Variants in PLCB1 observed in about 807,000 individuals in gnomAD.
PLCB1 encodes 1-phosphatidylinositol 4,5-bisphosphate phosphodiesterase beta-1.
A neutral mutation model predicts 161.8 loss-of-function variants in PLCB1; 46 were observed. The ratio of observed to expected loss-of-function variants is 0.28; its 90% CI spans 0.22 to 0.36. The LOEUF (loss-of-function observed/expected upper bound fraction) is 0.36. PLCB1 is among the 10% of genes least tolerant of loss of function. The probability of loss-of-function intolerance (pLI) is 1.00; values close to 1 mark genes in which losing one functional copy is unlikely to be tolerated. For missense variants in PLCB1, 1,016 were observed against 1,472.5 expected (o/e 0.69, Z 5.07); for synonymous variants, 517 against 503.7 (o/e 1.03, Z -0.35).
chr20:8,436,843 G>A (rs1316439336), intron 3 of PLCB1, among the ~76,000 whole-genome samples: 2 of 152,002 alleles, frequency 1.3e-5, no homozygotes, highest in East Asian at 1.9e-4. Flanking sequence ...AGGCTGGAGT[G>A]CAGGGGTACG....
intron 23 of PLCB1, among the ~76,000 whole-genome samples, chr20:8,745,383 TATC>T (rs1230696816): frequency 1.3e-5 from 2 of 152,208 alleles, no homozygotes; most frequent in African/African-American, 4.8e-5. Context: ...ACTTTTTTAG[TATC>T]ATCATTTTAA....
At chr20:8,394,545 C>T (rs1568659901) in intron 3 of PLCB1, among the ~76,000 whole-genome samples, 1 of 152,104 alleles carries the variant, frequency 6.6e-6, no homozygotes. Flanking sequence ...TGGTCACAAT[C>T]AAGTTGCTTA....
chr20:8,409,107 T>G (rs1978920104), intron 3 of PLCB1, among the ~76,000 whole-genome samples: 1 of 152,160 alleles, frequency 6.6e-6, no homozygotes, highest in South Asian at 2.1e-4. Context: ...TACCATGTGT[T>G]CCCAACTAAA....
intron 26 of PLCB1, among the ~76,000 whole-genome samples, chr20:8,766,830 G>C (rs1225167536): frequency 6.6e-6 from 1 of 152,122 alleles, no homozygotes; most frequent in African/African-American, 2.4e-5. Context: ...TGATTCTGCA[G>C]TTCCATGGAC....
chr20:8,133,735 C>G (rs187435017), intron 1 of PLCB1, among the ~76,000 whole-genome samples: 1 of 152,204 alleles, frequency 6.6e-6, no homozygotes, highest in South Asian at 2.1e-4. Flanking sequence ...GAAAAACCTA[C>G]TGAAATAAAC....
At chr20:8,735,895 G>C (rs997216021) in intron 19 of PLCB1, among the ~76,000 whole-genome samples, 11 of 152,126 alleles carry the variant, frequency 7.2e-5, no homozygotes, top group Non-Finnish European at 1.3e-4. Context: ...CTTTCTCTCT[G>C]AATTACTCAG....
intron 2 of PLCB1, among the ~76,000 whole-genome samples, chr20:8,370,512 T>A (rs1387301925): frequency 6.6e-6 from 1 of 152,140 alleles, no homozygotes; most frequent in Non-Finnish European, 1.5e-5. Flanking sequence ...TGTCTCTAAG[T>A]GTCTAAAGGC....
Position 8,724,724 on chromosome 20 carries a change from C to A in PLCB1, c.1650C>A (p.Val550=). 1 of 1,609,802 alleles carries A rather than the reference C, an allele frequency of 6.2e-7. No individual in the cohort carries two copies. Among genetic ancestry groups the A allele is most frequent in the Non-Finnish European group, 8.5e-7 (1 of 1,176,560 alleles). ...ATCTGGTGAACTATATTCAGCCAGT[C>A]AAGTTTGAGTCATTTGAAATTTCAA... ...MSNLVNYIQP[V]KFESFEISKK... The change falls in exon 16 of 32, where the codon GTC becomes GTA. Residue 550 remains valine (V), a synonymous_variant. Coordinates refer to ENST00000338037, the MANE Select transcript of PLCB1 (RefSeq NM_015192.4).
chr20:8,811,046 T>C (rs929087046), intron 31 of PLCB1, among the ~76,000 whole-genome samples: 15 of 151,960 alleles, frequency 9.9e-5, no homozygotes, highest in Non-Finnish European at 2.1e-4. Flanking sequence ...ACCTATGAGG[T>C]AGGAGGAAAA....
chr20:8,760,375 A>T (rs377631736), intron 24 of PLCB1, 32 bp from the exon 25 acceptor site: 3 of 1,394,262 alleles, frequency 2.2e-6, no homozygotes, highest in Non-Finnish European at 2.0e-6. Context: ...AAAAAGTTGA[A>T]GAGGCTATTT....
chr20:8,240,394 G>A (rs916563724), intron 2 of PLCB1, among the ~76,000 whole-genome samples: 6 of 151,800 alleles, frequency 4.0e-5, no homozygotes, highest in African/African-American at 1.5e-4. Flanking sequence ...TATACTTAGT[G>A]ATGTATCTTA....
intron 16 of PLCB1, among the ~76,000 whole-genome samples, chr20:8,725,337 G>C (rs961323544): frequency 1.3e-5 from 2 of 151,976 alleles, no homozygotes; most frequent in African/African-American, 4.8e-5. Flanking sequence ...CAGACAAAAG[G>C]GTTCTTTTAT....
rs58160557 is a variant in PLCB1, at chr20:8,556,656, G to GGTGTGTGT, written c.247-71599_247-71592dup. 2.4e-3 allele frequency among the ~76,000 whole-genome samples: 336 copies of GGTGTGTGT among 141,848 alleles called. 1 individual carries two copies. The highest frequency in any genetic ancestry group is 8.2e-3 in the African/African-American group (317 of 38,588). 93.1% of individuals were successfully genotyped at this position (141,848 alleles called of 152,430 possible). A position where few individuals can be genotyped will look rare whatever the true frequency, so the allele number is the denominator to read the frequency against. ...AAACAGCCAGGCTAGGAGAGGGTTGGGTGTGTGTGTGTGTGTGTGTGTGTG... is the reference window on the plus strand; with the variant it reads ...AAACAGCCAGGCTAGGAGAGGGTTGGGTGTGTGTGTGTGTGTGTGTGTGTGTGTGTGTG... On this transcript the variant is annotated intron_variant, in intron 3 of 31. Coordinates refer to ENST00000338037, the MANE Select transcript of PLCB1 (RefSeq NM_015192.4).
intron 3 of PLCB1, among the ~76,000 whole-genome samples, chr20:8,412,160 A>G (rs1030813661): frequency 6.6e-6 from 1 of 152,270 alleles, no homozygotes; most frequent in Non-Finnish European, 1.5e-5. Flanking sequence ...TTATTGCTAC[A>G]GTAAAGCTGC....
Position 8,782,696 on chromosome 20 carries a change from G to A in PLCB1, c.3112-5753G>A, listed in dbSNP as rs573079631. Among the ~76,000 whole-genome samples, 30 of 148,042 alleles carry A rather than the reference G, an allele frequency of 2.0e-4. 1 individual carries two copies. In the South Asian group the frequency reaches 5.6e-3, roughly 28 times the overall value. ...TGCTTGCTGTGTAGATCATTACTTAGTTCAGATGTTTTGTAAATTAATTTC... is the reference window on the plus strand; with the variant it reads ...TGCTTGCTGTGTAGATCATTACTTAATTCAGATGTTTTGTAAATTAATTTC... On this transcript the variant is annotated intron_variant, in intron 27 of 31. Transcript: ENST00000338037.
intron 3 of PLCB1, among the ~76,000 whole-genome samples, chr20:8,559,584 T>A (rs1459488516): frequency 6.6e-6 from 1 of 151,904 alleles, no homozygotes; most frequent in Admixed American, 6.6e-5. Flanking sequence ...TCACTTTAGC[T>A]CCAAAGATAC....
intron 2 of PLCB1, among the ~76,000 whole-genome samples, chr20:8,151,445 CTTG>C (rs1280104205): frequency 4.6e-5 from 7 of 152,276 alleles, no homozygotes; most frequent in Admixed American, 3.3e-4. Context: ...GAATTTCAGT[CTTG>C]TTGTCCTGGA....
intron 3 of PLCB1, among the ~76,000 whole-genome samples, chr20:8,457,334 G>A (rs1431282580): frequency 2.0e-5 from 3 of 152,022 alleles, no homozygotes; most frequent in East Asian, 1.9e-4. Context: ...CATGAACAAT[G>A]CCACCCACAA....
intron 2 of PLCB1, among the ~76,000 whole-genome samples, chr20:8,276,986 C>CTTCTTATTATTATTATTATTATTA (rs869194352): frequency 3.2e-5 from 3 of 93,358 alleles, no homozygotes; most frequent in Non-Finnish European, 4.0e-5. Context: ...TCTTCTTCTT[C>CTTCTTATTATTATTATTATTATTA]TTATTATTAT....
Sources: allele counts gnomAD v4.1 joint callset (sites outside exome capture counted in the v4.1 genomes callset), GRCh38; gene constraint gnomAD v4.1.1; transcripts MANE v1.5; gene names NCBI Gene and HGNC (gene_info 2026-07-23, HGNC 2026-07-21).